The following PTPRD variants were observed in gnomAD, a reference collection of about 807,000 sequenced individuals.
PTPRD encodes the protein receptor-type tyrosine-protein phosphatase delta.
In PTPRD, 34 loss-of-function variants were observed where a neutral mutation model predicts 214.5. The observed-to-expected ratio is 0.16, with a 90% confidence interval of 0.12 to 0.21. The LOEUF is 0.21. PTPRD is among the 10% of genes least tolerant of loss of function. The probability of loss-of-function intolerance (pLI) is 1.00; values close to 1 mark genes in which losing one functional copy is unlikely to be tolerated. For missense variants in PTPRD, 2,545 were observed against 2,398.7 expected (o/e 1.06, Z -1.27); for synonymous variants, 1,128 against 845.7 (o/e 1.33, Z -5.79).
chr9:9,952,948 C>T (rs997264142), intron 4 of PTPRD, among the ~76,000 whole-genome samples: 1 of 152,046 alleles, frequency 6.6e-6, no homozygotes, highest in African/African-American at 2.4e-5. Context: ...TAGAAGAGCC[C>T]TCATACTGCT....
intron 7 of PTPRD, among the ~76,000 whole-genome samples, chr9:9,645,663 T>C (rs2096134852): frequency 1.3e-5 from 2 of 151,922 alleles, no homozygotes; most frequent in African/African-American, 4.8e-5. Context: ...CCTTTCTTGC[T>C]TTCCTCTGAT....
chr9:9,878,275 C>T (rs1225441858), intron 5 of PTPRD, among the ~76,000 whole-genome samples: 1 of 152,138 alleles, frequency 6.6e-6, no homozygotes, highest in Admixed American at 6.5e-5. Flanking sequence ...CTAGTTATTA[C>T]ATCATGCTAG....
chr9:8,911,415 T>TTGTGTGTGTGTGTGTGTG (rs757801073), intron 11 of PTPRD, among the ~76,000 whole-genome samples: 1 of 127,632 alleles, frequency 7.8e-6, no homozygotes, highest in Non-Finnish European at 1.8e-5. Flanking sequence ...TGTGTGTGTG[T>TTGTGTGTGTGTGTGTGTG]TGTGTGTGTG....
At chr9:9,349,679 C>A (rs12156538) in intron 9 of PTPRD, among the ~76,000 whole-genome samples, 4,816 of 151,346 alleles carry the variant, frequency 0.032, 108 homozygotes, top group Non-Finnish European at 0.051. Context: ...ACACTCATCA[C>A]CTCCAGTGAT....
intron 10 of PTPRD, among the ~76,000 whole-genome samples, chr9:9,056,036 G>C (rs2099695576): frequency 6.6e-6 from 1 of 151,990 alleles, no homozygotes; most frequent in Non-Finnish European, 1.5e-5. Context: ...ATATACTAGA[G>C]TAGTTCTGGA....
intron 8 of PTPRD, among the ~76,000 whole-genome samples, chr9:9,500,838 G>A (rs977937921): frequency 1.3e-5 from 2 of 151,972 alleles, no homozygotes; most frequent in African/African-American, 2.4e-5. Context: ...ATGTAGAATT[G>A]AAACATTTGA....
intron 39 of PTPRD, among the ~76,000 whole-genome samples, chr9:8,355,939 C>G (rs1005238580): frequency 1.3e-5 from 2 of 152,054 alleles, no homozygotes; most frequent in South Asian, 4.1e-4. Context: ...CAAAAAGGTG[C>G]ACAGAATACA....
intron 3 of PTPRD, among the ~76,000 whole-genome samples, chr9:10,155,258 G>A (rs1159661536): frequency 6.6e-6 from 1 of 151,858 alleles, no homozygotes; most frequent in African/African-American, 2.4e-5. Flanking sequence ...GACGGTTATT[G>A]GCATATTGGA....
intron 7 of PTPRD, among the ~76,000 whole-genome samples, chr9:9,682,541 G>C (rs894312251): frequency 2.0e-5 from 3 of 151,726 alleles, no homozygotes; most frequent in Non-Finnish European, 4.4e-5. Flanking sequence ...CAATGCAAGT[G>C]TGGGTCCTTA....
chr9:8,509,135 C>A (rs2097612381), intron 21 of PTPRD, among the ~76,000 whole-genome samples: 1 of 151,916 alleles, frequency 6.6e-6, no homozygotes, highest in Non-Finnish European at 1.5e-5. Flanking sequence ...CTAACACAAT[C>A]ATTTAGATTG....
chr9:9,257,250 G>C (rs72696869), intron 9 of PTPRD, among the ~76,000 whole-genome samples: 16,290 of 151,886 alleles, frequency 0.11, 1,102 homozygotes, highest in Non-Finnish European at 0.14. Flanking sequence ...AAGGAGGAGA[G>C]GGAGTGGAAG....
rs191385021 is a variant in PTPRD, at chr9:10,017,344, G to A, written c.-472+16374C>T. On this transcript the variant is annotated intron_variant, in intron 4 of 45. Transcript: ENST00000381196. ...CCTTTTTGTAGGTTTTACTGTTTAA[G>A]TTATATGTGTTGCATATATTTAATT... 4.0e-5 allele frequency among the ~76,000 whole-genome samples: 6 copies of A among 151,522 alleles called. No homozygotes were observed. In the East Asian group the frequency reaches 1.2e-3, roughly 29 times the overall value.
chr9:8,321,461 T>TTGTGTGTG (rs4008233), intron 44 of PTPRD, among the ~76,000 whole-genome samples: 7 of 86,602 alleles, frequency 8.1e-5, no homozygotes, highest in African/African-American at 1.1e-4. Flanking sequence ...GAAGTCTTCT[T>TTGTGTGTG]TGTGTGTGTG....
chr9:9,391,819 A>T (rs1484028863), intron 9 of PTPRD, among the ~76,000 whole-genome samples: 1 of 152,158 alleles, frequency 6.6e-6, no homozygotes, highest in Non-Finnish European at 1.5e-5. Flanking sequence ...GTTAAGAAAA[A>T]GCAAAAAGTT....
At chr9:8,540,274 A>T (rs561897938) in intron 14 of PTPRD, among the ~76,000 whole-genome samples, 2 of 152,162 alleles carry the variant, frequency 1.3e-5, no homozygotes, top group African/African-American at 4.8e-5. Flanking sequence ...TGTGACAAAC[A>T]TTCTTAAATA....
chr9:8,871,637 C>G (rs2098300438), intron 11 of PTPRD, among the ~76,000 whole-genome samples: 1 of 151,994 alleles, frequency 6.6e-6, no homozygotes, highest in Non-Finnish European at 1.5e-5. Context: ...GTCATTTACC[C>G]CTAAAGCTGA....
chr9:8,523,476 T>C, intron 19 of PTPRD, 37 bp downstream of exon 19: 2 of 1,608,432 alleles, frequency 1.2e-6, no homozygotes, highest in Non-Finnish European at 1.7e-6. Context: ...TAATTAATAG[T>C]TTTGTAAGGT....
rs2096517115 is a variant in PTPRD at position 9,504,271 on chromosome 9, CA to C, written c.-237+70460del. On this transcript the variant is annotated intron_variant, in intron 8 of 45. Transcript: ENST00000381196. ...TTGCTCTATATTTCTACTTATTTGACATCTGTTTTATATGTCTTTACCCAAT... is the reference window on the plus strand; with the variant it reads ...TTGCTCTATATTTCTACTTATTTGACTCTGTTTTATATGTCTTTACCCAAT... Among the ~76,000 whole-genome samples the C allele has an allele frequency of 2.6e-5, 4 of 151,764 alleles. No individual in the cohort carries two copies. The South Asian group carries it at 8.3e-4, about 31-fold the overall frequency.
chr9:8,772,931 T>G (rs1421831958), intron 11 of PTPRD, among the ~76,000 whole-genome samples: 1 of 152,210 alleles, frequency 6.6e-6, no homozygotes, highest in Admixed American at 6.5e-5. Context: ...AGGCCTTGTT[T>G]TTAAGATTCT....
Sources: allele counts gnomAD v4.1 joint callset (sites outside exome capture counted in the v4.1 genomes callset), GRCh38; gene constraint gnomAD v4.1.1; transcripts MANE v1.5; gene names NCBI Gene and HGNC (gene_info 2026-07-23, HGNC 2026-07-21).